The following OPRD1 variants were observed in gnomAD, a reference collection of about 807,000 sequenced individuals.
The protein encoded by OPRD1 is delta-type opioid receptor.
In OPRD1, 19 loss-of-function variants were observed where a neutral mutation model predicts 17.5. The ratio of observed to expected loss-of-function variants is 1.09; its 90% CI spans 0.76 to 1.60. The LOEUF is 1.60. OPRD1 is among the 40% of genes most tolerant of loss of function. The pLI is 0.00. For missense variants in OPRD1, 483 were observed against 547.2 expected (o/e 0.88, Z 1.17); for synonymous variants, 256 against 240.9 (o/e 1.06, Z -0.58).
chr1:28,845,792 A>G (rs1198104450), intron 1 of OPRD1, among the ~76,000 whole-genome samples: 1 of 119,824 alleles, frequency 8.3e-6, no homozygotes, highest in African/African-American at 2.6e-5. Flanking sequence ...ACCTTTTGTA[A>G]CAGAAAAAAA....
chr1:28,845,518 A>T (rs1402283783), intron 1 of OPRD1, among the ~76,000 whole-genome samples: 1 of 151,658 alleles, frequency 6.6e-6, no homozygotes, highest in Non-Finnish European at 1.5e-5. Context: ...AACTTAATGT[A>T]GTTGTTGTTG....
At chr1:28,826,642 C>A (rs1392242862) in intron 1 of OPRD1, among the ~76,000 whole-genome samples, 1 of 152,156 alleles carries the variant, frequency 6.6e-6, no homozygotes, top group East Asian at 1.9e-4. Context: ...TACTAATGAT[C>A]ATCTGAGCCT....
chr1:28,835,581 C>T (rs1204451742), intron 1 of OPRD1, among the ~76,000 whole-genome samples: 1 of 152,220 alleles, frequency 6.6e-6, no homozygotes, highest in Non-Finnish European at 1.5e-5. Flanking sequence ...TTTTGCCAGT[C>T]GTGGAGGGCA....
chr1:28,852,686 A>G (rs1019968469), intron 1 of OPRD1, among the ~76,000 whole-genome samples: 4 of 151,516 alleles, frequency 2.6e-5, no homozygotes. Context: ...ATCTCTTAGG[A>G]TTTTCTTTCT....
At chr1:28,858,482 C>T (rs1022521747) in intron 1 of OPRD1, among the ~76,000 whole-genome samples, 2 of 151,480 alleles carry the variant, frequency 1.3e-5, no homozygotes, top group East Asian at 3.9e-4. Flanking sequence ...CTTCTGTTGT[C>T]GGGGAAAGGA....
At chr1:28,856,654 C>T (rs2089060685) in intron 1 of OPRD1, among the ~76,000 whole-genome samples, 1 of 152,180 alleles carries the variant, frequency 6.6e-6, no homozygotes, top group Admixed American at 6.5e-5. Context: ...TGTATGCAGT[C>T]TCCCCCAGGC....
chr1:28,828,067 A>G (rs1452394770), intron 1 of OPRD1, among the ~76,000 whole-genome samples: 1 of 152,030 alleles, frequency 6.6e-6, no homozygotes, highest in African/African-American at 2.4e-5. Flanking sequence ...TAGAATGGTG[A>G]ATTTTTTCCA....
rs1286956277 is a variant in OPRD1, at chr1:28,868,850, A to AG, written c.*5567_*5568insG. The AG allele has an allele frequency of 1.3e-5, 2 of 152,294 alleles. No homozygotes were observed. Among genetic ancestry groups the AG allele is most frequent in the East Asian group, 3.9e-4 (2 of 5,182 alleles). The allele number at this position is 152,294 out of a possible 1,614,324, so 9.4% of individuals were successfully genotyped here. ...GCGAGACTCTGTCTGAAAAAAAAAA[A>AG]AAATTAAAAAGAAATGCTCCTCAAG... is the stretch of plus-strand genomic sequence containing the variant. On this transcript the variant is annotated 3_prime_UTR_variant, in exon 3 of 3. Coordinates refer to ENST00000234961, the MANE Select transcript of OPRD1 (RefSeq NM_000911.4).
At chr1:28,813,265 C>T (rs534497133) in intron 1 of OPRD1, among the ~76,000 whole-genome samples, 1 of 152,326 alleles carries the variant, frequency 6.6e-6, no homozygotes, top group East Asian at 1.9e-4. Context: ...GTTTGTGCAG[C>T]TGTGTGTGCC....
intron 1 of OPRD1, among the ~76,000 whole-genome samples, chr1:28,832,079 A>C (rs1188715605): frequency 6.6e-6 from 1 of 152,148 alleles, no homozygotes; most frequent in Non-Finnish European, 1.5e-5. Flanking sequence ...TCAGATGTAC[A>C]AAGTGTCCAT....
intron 1 of OPRD1, among the ~76,000 whole-genome samples, chr1:28,813,169 T>A (rs1368459863): frequency 6.6e-6 from 1 of 152,202 alleles, no homozygotes; most frequent in African/African-American, 2.4e-5. Context: ...TGATTCTGTC[T>A]GAATGTAACA....
intron 1 of OPRD1, among the ~76,000 whole-genome samples, chr1:28,826,246 G>A (rs1383105547): frequency 1.3e-5 from 2 of 152,144 alleles, no homozygotes; most frequent in Non-Finnish European, 2.9e-5. Context: ...TTTACAGCTG[G>A]GTGTGCTGAC....
At chr1:28,832,616 CAA>C (rs34518692) in intron 1 of OPRD1, among the ~76,000 whole-genome samples, 46 of 146,094 alleles carry the variant, frequency 3.1e-4, no homozygotes, top group East Asian at 4.0e-4. Context: ...GACTCTGTCT[CAA>C]AAAAAAAAAA....
intron 1 of OPRD1, among the ~76,000 whole-genome samples, chr1:28,857,256 G>A (rs2089064545): frequency 6.6e-6 from 1 of 152,102 alleles, no homozygotes; most frequent in Admixed American, 6.6e-5. Context: ...GCCATCCTAA[G>A]AGGTTGCTAC....
intron 1 of OPRD1, among the ~76,000 whole-genome samples, chr1:28,818,004 G>A (rs1055667497): frequency 3.9e-5 from 6 of 152,146 alleles, no homozygotes; most frequent in Non-Finnish European, 7.3e-5. Flanking sequence ...ATAGGCGTGA[G>A]CCGCTGCGCC....
chr1:28,825,430 G>A (rs1047423340), intron 1 of OPRD1, among the ~76,000 whole-genome samples: 3 of 151,848 alleles, frequency 2.0e-5, no homozygotes, highest in African/African-American at 7.3e-5. Context: ...CTGTTGCCCA[G>A]GCTGGAATAC....
chr1:28,854,648 G>C (rs2089038475), intron 1 of OPRD1, among the ~76,000 whole-genome samples: 2 of 151,314 alleles, frequency 1.3e-5, no homozygotes. Context: ...GATGTCTCTT[G>C]TGAGCCTGCT....
intron 1 of OPRD1, among the ~76,000 whole-genome samples, chr1:28,836,925 G>A (rs2088858904): frequency 6.6e-6 from 1 of 152,130 alleles, no homozygotes; most frequent in Admixed American, 6.5e-5. Context: ...CCATCGATGG[G>A]GGCAGGGTGG....
chr1:28,843,862 A>G (rs2088917245), intron 1 of OPRD1, among the ~76,000 whole-genome samples: 1 of 152,160 alleles, frequency 6.6e-6, no homozygotes, highest in South Asian at 2.1e-4. Flanking sequence ...ATAATATTCC[A>G]TTGTATGTCT....
Sources: gnomAD v4.1 joint callset for allele counts (sites outside exome capture counted in the v4.1 genomes callset) on GRCh38, gnomAD v4.1.1 for gene constraint, MANE v1.5 for transcripts, NCBI Gene and HGNC (gene_info 2026-07-23, HGNC 2026-07-21) for gene names.